The following CIMAP1D variants were observed in gnomAD, a reference collection of about 807,000 sequenced individuals.
The protein encoded by CIMAP1D is CIMAP1 family member D.
the CIMAP1D span, among the ~76,000 whole-genome samples, chr19:476,165 A>AT: frequency 6.6e-6 from 1 of 151,182 alleles, no homozygotes; most frequent in Non-Finnish European, 1.5e-5. Context: ...CGTCTAGCTA[A>AT]TTTTTTTGTA....
the CIMAP1D span, among the ~76,000 whole-genome samples, chr19:465,846 G>A: frequency 5.9e-4 from 75 of 127,120 alleles, no homozygotes; most frequent in East Asian, 0.02. Context: ...ATGGATGTGT[G>A]GATAGATGGA....
chr19:480,927 G>A, the CIMAP1D span, among the ~76,000 whole-genome samples: 1 of 140,254 alleles, frequency 7.1e-6, no homozygotes, highest in South Asian at 2.5e-4. Context: ...GATGGGGAAG[G>A]ATGATGGGAA....
chr19:487,259 A>G, the CIMAP1D span, among the ~76,000 whole-genome samples: 1 of 152,102 alleles, frequency 6.6e-6, no homozygotes, highest in Non-Finnish European at 1.5e-5. Flanking sequence ...CGATGGGAGT[A>G]TTTACAACAC....
the CIMAP1D span, among the ~76,000 whole-genome samples, chr19:483,546 G>C: frequency 1.3e-5 from 2 of 152,292 alleles, no homozygotes; most frequent in South Asian, 4.1e-4. Context: ...CAACCCAGGT[G>C]ATTGCCCCCA....
chr19:470,828 CCAA>C, the CIMAP1D span, among the ~76,000 whole-genome samples: 8 of 152,384 alleles, frequency 5.2e-5, no homozygotes, highest in African/African-American at 1.9e-4. Flanking sequence ...CTGATGAACA[CCAA>C]CAGCTCCCTG....
chr19:463,741 A>T, the CIMAP1D span: 1 of 1,462,576 alleles, frequency 6.8e-7, no homozygotes, highest in Non-Finnish European at 9.1e-7. Flanking sequence ...GGGAGGGAAG[A>T]CTCCTTTCCC....
the CIMAP1D span, among the ~76,000 whole-genome samples, chr19:479,815 C>T: frequency 2.0e-5 from 3 of 152,248 alleles, no homozygotes; most frequent in African/African-American, 7.2e-5. Flanking sequence ...GGATGACAGG[C>T]GTGAGCCACC....
At chr19:477,604 A>G in the CIMAP1D span, among the ~76,000 whole-genome samples, 1 of 151,990 alleles carries the variant, frequency 6.6e-6, no homozygotes, top group African/African-American at 2.4e-5. Flanking sequence ...AAAAAAAGAG[A>G]AAAAAAGAAC....
the CIMAP1D span, chr19:467,688 T>G: frequency 1.2e-6 from 2 of 1,611,612 alleles, no homozygotes; most frequent in South Asian, 2.2e-5. Context: ...TAGGCAGGGG[T>G]GCAGCTGCGG....
chr19:483,466 G>T, the CIMAP1D span, among the ~76,000 whole-genome samples: 2 of 152,144 alleles, frequency 1.3e-5, no homozygotes, highest in East Asian at 3.9e-4. Flanking sequence ...AGGCATGCAG[G>T]CTCACCCTCG....
At chr19:466,730 T>C in the CIMAP1D span, among the ~76,000 whole-genome samples, 16 of 127,720 alleles carry the variant, frequency 1.3e-4, no homozygotes, top group Non-Finnish European at 2.2e-4. Flanking sequence ...GATGGGTGGA[T>C]AGATGGATGA....
At chr19:474,693 G>A in the CIMAP1D span, 51 of 1,568,074 alleles carry the variant, frequency 3.3e-5, no homozygotes, top group African/African-American at 4.5e-4. Flanking sequence ...GTCACTCGCC[G>A]GCCAAGGGGG....
the CIMAP1D span, among the ~76,000 whole-genome samples, chr19:481,887 C>T: frequency 2.0e-5 from 3 of 151,406 alleles, no homozygotes; most frequent in Admixed American, 6.6e-5. Flanking sequence ...GTGATCTTCC[C>T]ACTTCAGCCT....
chr19:482,462 T>A, the CIMAP1D span, among the ~76,000 whole-genome samples: 1 of 152,192 alleles, frequency 6.6e-6, no homozygotes, highest in African/African-American at 2.4e-5. Flanking sequence ...GGAGTGCTGA[T>A]GACATCTAGT....
the CIMAP1D span, among the ~76,000 whole-genome samples, chr19:478,169 C>G: frequency 1.3e-5 from 2 of 152,322 alleles, 1 homozygote; most frequent in South Asian, 4.1e-4. Context: ...CCCAACCTCC[C>G]TCGACCAAAG....
At chr19:477,839 C>T in the CIMAP1D span, among the ~76,000 whole-genome samples, 2 of 152,238 alleles carry the variant, frequency 1.3e-5, no homozygotes, top group East Asian at 3.9e-4. Flanking sequence ...AGGCCCTGCA[C>T]GGCCTCGTCT....
the CIMAP1D span, among the ~76,000 whole-genome samples, chr19:485,482 C>G: frequency 6.6e-6 from 1 of 152,208 alleles, no homozygotes; most frequent in Non-Finnish European, 1.5e-5. Context: ...TCCCACCGTT[C>G]TTTTCTCTAG....
the CIMAP1D span, among the ~76,000 whole-genome samples, chr19:480,559 C>T: frequency 1.1e-4 from 9 of 82,598 alleles, no homozygotes; most frequent in South Asian, 7.6e-4. Context: ...TGATGGAGAA[C>T]GATGATGGAG....
At chr19:474,536 G>A in the CIMAP1D span, 1 of 1,290,896 alleles carries the variant, frequency 7.7e-7, no homozygotes, top group Non-Finnish European at 1.0e-6. Context: ...CCTCCTGCTG[G>A]GCTCCCAGAA....
Sources: gnomAD v4.1 joint callset for allele counts (sites outside exome capture counted in the v4.1 genomes callset) on GRCh38, gnomAD v4.1.1 for gene constraint, MANE v1.5 for transcripts, NCBI Gene and HGNC (gene_info 2026-07-23, HGNC 2026-07-21) for gene names.